The following ERICH2 variants were observed in gnomAD, a reference collection of about 807,000 sequenced individuals.
ERICH2 encodes the protein glutamate rich 2.
In ERICH2, 17 loss-of-function variants were observed where a neutral mutation model predicts 17.4. The observed-to-expected ratio is 0.98, with a 90% confidence interval of 0.67 to 1.47. The LOEUF (loss-of-function observed/expected upper bound fraction) is 1.47. Among genes scored for constraint, ERICH2 ranks in the 40% most tolerant of loss-of-function variants. ERICH2 has a pLI of 0.00. For synonymous variants in ERICH2, 51 were observed against 61.1 expected (o/e 0.83, Z 0.77); for missense variants, 186 against 183.2 (o/e 1.01, Z -0.09).
chr2:170,787,449 G>A (rs1388242653), intron 2 of ERICH2, among the ~76,000 whole-genome samples: 1 of 152,210 alleles, frequency 6.6e-6, no homozygotes, highest in Non-Finnish European at 1.5e-5. Context: ...GCCCTTATGG[G>A]GATTCTCCCC....
chr2:170,775,782 A>G, the ERICH2 span: 6 of 154,420 alleles, frequency 3.9e-5, no homozygotes, highest in African/African-American at 1.4e-4. Context: ...AGGGTTCCCC[A>G]GAAAGCAAAG....
At chr2:170,798,932 T>C in exon 5 of ERICH2, 1 of 1,544,308 alleles carries the variant, frequency 6.5e-7, no homozygotes, top group Non-Finnish European at 8.8e-7. Context: ...GTATTTTCAT[T>C]AATGTATACC....
chr2:170,770,824 C>T, the ERICH2 span: 58 of 150,156 alleles, frequency 3.9e-4, 1 homozygote, highest in African/African-American at 1.4e-3. Context: ...TCCCTCAGCT[C>T]GGCCGCCCGC....
intron 3 of ERICH2, among the ~76,000 whole-genome samples, chr2:170,794,704 A>C (rs568569924): frequency 2.0e-5 from 3 of 152,346 alleles, no homozygotes; most frequent in East Asian, 3.9e-4. Flanking sequence ...CAAGACTCAA[A>C]ATATTAAGCA....
intron 3 of ERICH2, among the ~76,000 whole-genome samples, chr2:170,793,898 C>A (rs1380589412): frequency 2.6e-5 from 4 of 152,104 alleles, no homozygotes; most frequent in Admixed American, 2.6e-4. Context: ...ATGTTTCTAT[C>A]AGCTTTGAAA....
exon 1 of ERICH2, chr2:170,783,821 CAG>C: frequency 6.4e-7 from 1 of 1,550,440 alleles, no homozygotes; most frequent in Non-Finnish European, 8.7e-7. Context: ...ACTGGACAGT[CAG>C]GGTGGTTGTG....
chr2:170,790,608 T>C (rs185231248), intron 2 of ERICH2, among the ~76,000 whole-genome samples: 78 of 149,528 alleles, frequency 5.2e-4, no homozygotes, highest in African/African-American at 1.8e-3. Flanking sequence ...GCCTGGGGGA[T>C]AGAGCAAGAC....
intron 3 of ERICH2, 84 bp from the exon 9 acceptor site, chr2:170,797,957 C>T (rs1341873527): frequency 1.2e-6 from 1 of 862,824 alleles, no homozygotes; most frequent in Non-Finnish European, 1.9e-6. Flanking sequence ...CTCTGACTGA[C>T]AGTTCAATTT....
the ERICH2 span, chr2:170,770,665 C>G: frequency 6.4e-6 from 1 of 155,568 alleles, no homozygotes; most frequent in Non-Finnish European, 1.5e-5. Flanking sequence ...TTCCCTCTCC[C>G]TCGCTTAGAA....
At chr2:170,787,997 A>T (rs1701195569) in intron 2 of ERICH2, among the ~76,000 whole-genome samples, 1 of 152,214 alleles carries the variant, frequency 6.6e-6, no homozygotes, top group African/African-American at 2.4e-5. Context: ...CGAAAGCCTC[A>T]ATTAGATTTT....
At chr2:170,787,101 T>G (rs771204805) in intron 2 of ERICH2, among the ~76,000 whole-genome samples, 4 of 152,096 alleles carry the variant, frequency 2.6e-5, no homozygotes, top group Admixed American at 2.0e-4. Flanking sequence ...TGGAGTGCAG[T>G]GACTACTCAC....
At chr2:170,782,496 G>T, upstream of ERICH2, 4 of 362,720 alleles carry the variant, frequency 1.1e-5, no homozygotes, top group Non-Finnish European at 1.5e-5. Context: ...GGCGGGTCAT[G>T]AGAATCAGTA....
chr2:170,786,990 T>C (rs1701174351), intron 2 of ERICH2, among the ~76,000 whole-genome samples: 2 of 152,180 alleles, frequency 1.3e-5, no homozygotes, highest in Non-Finnish European at 2.9e-5. Context: ...TGTTTTCTCC[T>C]GCTTATGGGT....
At chr2:170,787,951 G>C (rs1177779277) in intron 2 of ERICH2, among the ~76,000 whole-genome samples, 1 of 152,128 alleles carries the variant, frequency 6.6e-6, no homozygotes, top group East Asian at 1.9e-4. Context: ...GTTTAAGGAA[G>C]GACAGTAAGT....
chr2:170,788,866 AC>A, intron 2 of ERICH2, among the ~76,000 whole-genome samples: 1 of 152,162 alleles, frequency 6.6e-6, no homozygotes, highest in East Asian at 1.9e-4. Context: ...CTACTCATTA[AC>A]ATTGTGCCTC....
chr2:170,779,534 A>T (rs1157849084), upstream of ERICH2, among the ~76,000 whole-genome samples: 2 of 152,182 alleles, frequency 1.3e-5, no homozygotes, highest in African/African-American at 4.8e-5. Context: ...TTAACAAACT[A>T]TTTTCAGCAG....
intron 3 of ERICH2, among the ~76,000 whole-genome samples, chr2:170,796,208 G>A (rs1054381078): frequency 2.0e-5 from 3 of 152,164 alleles, no homozygotes; most frequent in Admixed American, 2.0e-4. Context: ...TTATGGGTAT[G>A]TATAATGATA....
At chr2:170,798,243 A>G (rs1039705442) in intron 4 of ERICH2, 131 bp downstream of exon 9, 3 of 678,358 alleles carry the variant, frequency 4.4e-6, no homozygotes, top group Admixed American at 2.4e-5. Context: ...GCTGTCTTAA[A>G]TGGTTTAGTG....
intron 3 of ERICH2, among the ~76,000 whole-genome samples, chr2:170,794,072 T>C (rs1418141562): frequency 2.7e-5 from 4 of 149,536 alleles, no homozygotes; most frequent in African/African-American, 9.9e-5. Flanking sequence ...CTTTCTTTCT[T>C]TCCTTCCTTC....
Sources: gnomAD v4.1 joint callset for allele counts (sites outside exome capture counted in the v4.1 genomes callset) on GRCh38, gnomAD v4.1.1 for gene constraint, MANE v1.5 for transcripts, NCBI Gene and HGNC (gene_info 2026-07-23, HGNC 2026-07-21) for gene names.